KPNA1: variants seen among roughly 807,000 people sequenced by gnomAD.
The protein encoded by KPNA1 is karyopherin subunit alpha 1, also known as importin subunit alpha-5.
In KPNA1, 10 loss-of-function variants were observed where a neutral mutation model predicts 70.5. That is an observed-to-expected ratio of 0.14 (90% confidence interval 0.09 to 0.24). The LOEUF is 0.24. KPNA1 is among the 10% of genes least tolerant of loss of function. The pLI is 1.00. For missense variants in KPNA1, 397 were observed against 637.9 expected (o/e 0.62, Z 4.07); for synonymous variants, 192 against 221.9 (o/e 0.87, Z 1.20).
At chr3:122,489,298 TG>T (rs1218499438) in intron 2 of KPNA1, among the ~76,000 whole-genome samples, 3 of 151,126 alleles carry the variant, frequency 2.0e-5, no homozygotes, top group East Asian at 4.0e-4. Flanking sequence ...TTTTTTTGTT[TG>T]TTTTTTTTTT....
intron 2 of KPNA1, 100 bp downstream of exon 2, chr3:122,496,337 C>CAT: frequency 9.7e-7 from 1 of 1,029,520 alleles, no homozygotes; most frequent in Non-Finnish European, 1.5e-6. Context: ...CACACACACA[C>CAT]ACACACACAC....
chr3:122,508,095 T>C (rs1247141050), intron 1 of KPNA1, among the ~76,000 whole-genome samples: 1 of 152,032 alleles, frequency 6.6e-6, no homozygotes, highest in Non-Finnish European at 1.5e-5. Flanking sequence ...AGAAATAAAA[T>C]GGTAGACATG....
intron 12 of KPNA1, among the ~76,000 whole-genome samples, chr3:122,431,384 T>C (rs2075905258): frequency 6.8e-6 from 1 of 147,914 alleles, no homozygotes; most frequent in African/African-American, 2.4e-5. Flanking sequence ...CTCGAACTCC[T>C]GACCTCAAGT....
chr3:122,439,688 G>A (rs927351941), intron 10 of KPNA1, among the ~76,000 whole-genome samples: 1 of 152,102 alleles, frequency 6.6e-6, no homozygotes, highest in African/African-American at 2.4e-5. Context: ...TTATTAGGGG[G>A]AATAAATTGA....
chr3:122,448,439 T>C (rs977883259), intron 9 of KPNA1, among the ~76,000 whole-genome samples: 1 of 152,200 alleles, frequency 6.6e-6, no homozygotes, highest in African/African-American at 2.4e-5. Context: ...TCATATCCTT[T>C]GCAGGGACGT....
intron 2 of KPNA1, among the ~76,000 whole-genome samples, chr3:122,484,835 T>C (rs1016848567): frequency 3.9e-5 from 6 of 152,198 alleles, no homozygotes; most frequent in Non-Finnish European, 5.9e-5. Flanking sequence ...GGCTTTCATG[T>C]ACAAACTGAA....
At chr3:122,442,203 T>A in intron 9 of KPNA1, 87 bp from the exon 10 acceptor site, 1 of 1,022,854 alleles carries the variant, frequency 9.8e-7, no homozygotes, top group South Asian at 1.4e-5. Context: ...AACAAAAAAA[T>A]TGTGATAGAA....
At chr3:122,514,243 C>T (rs1025369055) in intron 1 of KPNA1, among the ~76,000 whole-genome samples, 34 of 152,158 alleles carry the variant, frequency 2.2e-4, no homozygotes, top group African/African-American at 8.2e-4. Flanking sequence ...CCCTCCGGGC[C>T]GCCGGCTCCG....
intron 5 of KPNA1, chr3:122,459,395 G>A (rs2076298085): frequency 2.0e-6 from 2 of 984,306 alleles, no homozygotes; most frequent in African/African-American, 3.5e-5. Flanking sequence ...CCAGAGACAG[G>A]AAAGAAACAC....
At chr3:122,476,572 G>C (rs1022060283) in intron 2 of KPNA1, among the ~76,000 whole-genome samples, 2 of 152,028 alleles carry the variant, frequency 1.3e-5, no homozygotes, top group African/African-American at 4.8e-5. Flanking sequence ...TAACTCAATA[G>C]TAAGAAAACA....
chr3:122,427,190 GGAAAATCTTTATT>G lies in KPNA1; in HGVS notation c.1430-31_1430-19del, dbSNP rs766184685. 6.3e-7 allele frequency: 1 copy of G among 1,578,346 alleles called. No individual in the cohort carries two copies. Among genetic ancestry groups the G allele is most frequent in the Admixed American group, 1.8e-5 (1 of 56,838 alleles). ...ATCCAGACCTAAAATGAAGAATAAA[GGAAAATCTTTATT>G]GAAAACTTCAATAAATATTGGAAAT... On this transcript the variant is annotated intron_variant, in intron 13 of 13. Transcript: ENST00000344337.
Position 122,494,903 on chromosome 3 carries a change from T to C in KPNA1, c.129+1534A>G, listed in dbSNP as rs1004695044. 2.0e-5 allele frequency among the ~76,000 whole-genome samples: 3 copies of C among 152,268 alleles called. No individual in the cohort carries two copies. The South Asian group carries it at 6.2e-4, about 32-fold the overall frequency. Reference sequence around the variant, plus strand: ...AGACCTATACCTACCTGGGTTCACATGTATCATACATGTATTCCACTTAAA... The same window carrying C: ...AGACCTATACCTACCTGGGTTCACACGTATCATACATGTATTCCACTTAAA... On this transcript the variant is annotated intron_variant, in intron 2 of 13. Transcript: ENST00000344337.
At chr3:122,460,224 A>G in intron 5 of KPNA1, 1 of 985,394 alleles carries the variant, frequency 1.0e-6, no homozygotes, top group Non-Finnish European at 1.2e-6. Context: ...ACTCCAGGGA[A>G]GTTTACTAAA....
chr3:122,498,661 A>G (rs996230049), intron 1 of KPNA1, among the ~76,000 whole-genome samples: 3 of 152,180 alleles, frequency 2.0e-5, no homozygotes, highest in East Asian at 1.9e-4. Flanking sequence ...TTGCTTCAAA[A>G]TAAGTTTTGA....
chr3:122,443,186 C>A (rs906752258), intron 9 of KPNA1: 1 of 152,376 alleles, frequency 6.6e-6, no homozygotes, highest in Non-Finnish European at 1.5e-5. Context: ...CATGCCCATG[C>A]AGCCTTGCTC....
At chr3:122,510,650 A>C (rs1282974450) in intron 1 of KPNA1, among the ~76,000 whole-genome samples, 2 of 152,200 alleles carry the variant, frequency 1.3e-5, no homozygotes, top group African/African-American at 4.8e-5. Flanking sequence ...TGAAACACTA[A>C]GGAACATCTT....
chr3:122,466,933 C>T (rs992607561), intron 3 of KPNA1, among the ~76,000 whole-genome samples: 1 of 151,612 alleles, frequency 6.6e-6, no homozygotes, highest in Admixed American at 6.6e-5. Flanking sequence ...CCCAGGAGTT[C>T]GAGGTTGCAG....
intron 12 of KPNA1, among the ~76,000 whole-genome samples, chr3:122,427,934 T>C (rs1438880351): frequency 2.6e-5 from 4 of 152,202 alleles, no homozygotes; most frequent in African/African-American, 9.6e-5. Flanking sequence ...CCTTTCTCCA[T>C]TCTTTTCTCT....
chr3:122,429,092 C>A (rs1033971437), intron 12 of KPNA1, among the ~76,000 whole-genome samples: 2 of 152,134 alleles, frequency 1.3e-5, no homozygotes, highest in Non-Finnish European at 2.9e-5. Context: ...ATGTAATCAA[C>A]TTACGATCAT....
Sources: gnomAD v4.1 joint callset for allele counts (sites outside exome capture counted in the v4.1 genomes callset) on GRCh38, gnomAD v4.1.1 for gene constraint, MANE v1.5 for transcripts, NCBI Gene and HGNC (gene_info 2026-07-23, HGNC 2026-07-21) for gene names.